DYNC2I1: variants seen among roughly 807,000 people sequenced by gnomAD.
DYNC2I1 encodes cytoplasmic dynein 2 intermediate chain 1.
A neutral mutation model predicts 133.4 loss-of-function variants in DYNC2I1; 89 were observed. The observed-to-expected ratio is 0.67, with a 90% CI of 0.56 to 0.80. The LOEUF (loss-of-function observed/expected upper bound fraction) is 0.80, where lower values mean the gene tolerates loss of function less well. Ranked by LOEUF, DYNC2I1 falls within the 30% of genes least tolerant of loss-of-function variation. The probability of loss-of-function intolerance (pLI) is 0.00; values close to 1 mark genes in which losing one functional copy is unlikely to be tolerated. For missense variants in DYNC2I1, 1,291 were observed against 1,314.5 expected (o/e 0.98, Z 0.28); for synonymous variants, 504 against 484.3 (o/e 1.04, Z -0.54).
chr7:158,912,693 A>G (rs968318270), intron 12 of DYNC2I1, among the ~76,000 whole-genome samples: 4 of 152,214 alleles, frequency 2.6e-5, no homozygotes, highest in African/African-American at 9.6e-5. Context: ...TTTGAAATAT[A>G]TATGTAGTTT....
chr7:158,934,950 AAATT>A (rs1393670483), intron 23 of DYNC2I1, among the ~76,000 whole-genome samples: 1 of 152,224 alleles, frequency 6.6e-6, no homozygotes, highest in South Asian at 2.1e-4. Context: ...GAGAAACATG[AAATT>A]AATAACAAAT....
At position 158,934,192 on chromosome 7, in the gene DYNC2I1, T is replaced by G. The variant is rs199565589; in HGVS notation, c.2610T>G (p.Pro870=). The part of the protein sequence containing the change: ...TTQTLNVKFL[P]SDPNHFIIGT... ...AAACACTGAATGTTAAATTTCTGCC[T>G]TCAGATCCTAATCACTTTATTATTG... is the stretch of plus-strand genomic sequence containing the variant. The change falls in exon 22 of 25, where the codon CCT becomes CCG. Residue 870 remains proline, a synonymous_variant. Coordinates refer to ENST00000407559, the MANE Select transcript of DYNC2I1 (RefSeq NM_018051.5). The G allele has an allele frequency of 3.1e-6, 5 of 1,612,898 alleles. No individual in the cohort carries two copies. In the East Asian group the frequency reaches 1.1e-4, roughly 36 times the overall value.
Position 158,929,459 on chromosome 7 carries a change from T to C in DYNC2I1, c.2486-996T>C, listed in dbSNP as rs531456838. ...TCGGAAAGGGCCTGGCCAGAAAGGC[T>C]GCCTGTGGGCTATGGCGTGTAGGGG... On this transcript the variant is annotated intron_variant, in intron 20 of 24. Transcript: ENST00000407559. 2.3e-3 allele frequency among the ~76,000 whole-genome samples: 353 copies of C among 150,962 alleles called. 1 individual carries two copies. The highest frequency in any genetic ancestry group is 8.3e-3 in the African/African-American group (339 of 40,778).
intron 14 of DYNC2I1, among the ~76,000 whole-genome samples, chr7:158,917,230 G>A (rs1848484180): frequency 8.4e-6 from 1 of 119,128 alleles, no homozygotes; most frequent in Admixed American, 7.6e-5. Flanking sequence ...AAGGATGATT[G>A]TGAAATGTTG....
chr7:158,900,812 G>A (rs1846175937), intron 8 of DYNC2I1, among the ~76,000 whole-genome samples: 1 of 145,104 alleles, frequency 6.9e-6, no homozygotes, highest in South Asian at 2.2e-4. Context: ...GTATCATCAA[G>A]CACAGAGACT....
chr7:158,871,527 A>G lies in DYNC2I1; in HGVS notation c.455A>G (p.Gln152Arg), dbSNP rs1188601520. 1.4e-5 allele frequency: 22 copies of G among 1,543,718 alleles called. No homozygotes were observed. The highest frequency in any genetic ancestry group is 1.9e-5 in the Non-Finnish European group (22 of 1,146,608). ...CTGGGCCAGGAGACACGCGACCGGC[A>G]GCTCCTGGAGCGGGCGGAGAGGAAA... Reference protein sequence around the residue: ...NLLGQETRDRQLLERAERKGR... With the variant: ...NLLGQETRDRRLLERAERKGR... The change falls in exon 3 of 25, where the codon CAG becomes CGG. Residue 152 changes from glutamine (Q) to arginine (R), a missense_variant. Physicochemically the swap from Gln to Arg is conservative, Grantham distance 43. Coordinates refer to ENST00000407559, the MANE Select transcript of DYNC2I1 (RefSeq NM_018051.5).
At chr7:158,872,070 C>G (rs1396211246) in intron 3 of DYNC2I1, among the ~76,000 whole-genome samples, 1 of 152,070 alleles carries the variant, frequency 6.6e-6, no homozygotes, top group African/African-American at 2.4e-5. Context: ...AATCCCAGCA[C>G]TTTGGGAGGC....
At chr7:158,909,955 C>T (rs557893985) in intron 11 of DYNC2I1, among the ~76,000 whole-genome samples, 94 of 152,048 alleles carry the variant, frequency 6.2e-4, no homozygotes, top group African/African-American at 2.2e-3. Flanking sequence ...GGTGAAGGAT[C>T]GGGGGAGGAG....
intron 3 of DYNC2I1, among the ~76,000 whole-genome samples, chr7:158,874,930 C>T (rs549490467): frequency 3.3e-5 from 5 of 152,184 alleles, no homozygotes; most frequent in Admixed American, 3.3e-4. Flanking sequence ...CCTGCATCCT[C>T]GCGTCCTGAG....
intron 23 of DYNC2I1, among the ~76,000 whole-genome samples, chr7:158,938,647 T>C (rs1453194711): frequency 6.6e-6 from 1 of 152,052 alleles, no homozygotes; most frequent in Non-Finnish European, 1.5e-5. Context: ...TCCCAGCTAC[T>C]AAGGAAGCTA....
intron 4 of DYNC2I1, among the ~76,000 whole-genome samples, chr7:158,956,190 C>T (rs1852193951): frequency 6.6e-6 from 1 of 152,236 alleles, no homozygotes; most frequent in South Asian, 2.1e-4. Flanking sequence ...GTGCCCTTGT[C>T]TCCATCTTTC....
At chr7:158,859,345 A>C in intron 1 of DYNC2I1, among the ~76,000 whole-genome samples, 1 of 152,162 alleles carries the variant, frequency 6.6e-6, no homozygotes, top group East Asian at 1.9e-4. Context: ...GGCTGATGAG[A>C]TATCTTTGTG....
chr7:158,947,727 T>C, downstream of DYNC2I1, among the ~76,000 whole-genome samples: 1 of 152,222 alleles, frequency 6.6e-6, no homozygotes, highest in East Asian at 1.9e-4. Context: ...CTCCCCCCTC[T>C]GAAGCCCTTG....
chr7:158,952,248 C>T (rs1359907304), intron 4 of DYNC2I1, among the ~76,000 whole-genome samples: 1 of 152,180 alleles, frequency 6.6e-6, no homozygotes, highest in Non-Finnish European at 1.5e-5. Context: ...CAGGTTCCTC[C>T]CACCTTCTGT....
At chr7:158,905,746 T>C (rs1051191170) in intron 10 of DYNC2I1, among the ~76,000 whole-genome samples, 15 of 152,218 alleles carry the variant, frequency 9.9e-5, no homozygotes, top group African/African-American at 3.6e-4. Context: ...TTTCTAAAAC[T>C]CTTTAATAGT....
At chr7:158,907,658 G>A (rs1412256842) in intron 11 of DYNC2I1, among the ~76,000 whole-genome samples, 2 of 152,042 alleles carry the variant, frequency 1.3e-5, no homozygotes, top group African/African-American at 4.8e-5. Flanking sequence ...CACCCAGGCT[G>A]GAATGCAGTG....
At chr7:158,905,362 A>T (rs1470047760) in intron 10 of DYNC2I1, 1 of 280,818 alleles carries the variant, frequency 3.6e-6, no homozygotes, top group African/African-American at 2.3e-5. Flanking sequence ...GCTGGTCTGG[A>T]GCTCCAGCCC....
At chr7:158,883,952 C>G (rs1349142972) in intron 5 of DYNC2I1, among the ~76,000 whole-genome samples, 5 of 151,908 alleles carry the variant, frequency 3.3e-5, no homozygotes, top group African/African-American at 1.2e-4. Flanking sequence ...GCGTGAGCCA[C>G]CGCGCCCGGC....
chr7:158,906,014 C>T lies in DYNC2I1; in HGVS notation c.1383C>T (p.Ala461=). The change falls in exon 11 of 25, where the codon GCC becomes GCT. Residue 461 remains alanine, a synonymous_variant. Transcript: ENST00000407559. The part of the protein sequence containing the change: ...RTDTNSSPSR[A]SVCGIFVDFA... ...ATACAAACAGTTCCCCTTCCAGAGC[C>T]TCTGTTTGTGGAATTTTTGTGGATT... is the stretch of plus-strand genomic sequence containing the variant. The T allele has an allele frequency of 2.5e-6, 4 of 1,613,808 alleles. No homozygotes were observed. The highest frequency in any genetic ancestry group is 3.4e-6 in the Non-Finnish European group (4 of 1,179,810).
Sources: gnomAD v4.1 joint callset for allele counts (sites outside exome capture counted in the v4.1 genomes callset) on GRCh38, gnomAD v4.1.1 for gene constraint, MANE v1.5 for transcripts, NCBI Gene and HGNC (gene_info 2026-07-23, HGNC 2026-07-21) for gene names.